Variants in CCSER1 observed in about 807,000 individuals in gnomAD.
CCSER1 encodes serine-rich coiled-coil domain-containing protein 1.
A neutral mutation model predicts 82.0 loss-of-function variants in CCSER1; 41 were observed. That is an observed-to-expected ratio of 0.50 (90% CI 0.39 to 0.65). The LOEUF is 0.65. Ranked by LOEUF, CCSER1 falls within the 30% of genes least tolerant of loss-of-function variation. The pLI is 0.00. For missense variants in CCSER1, 1,119 were observed against 1,064.2 expected (o/e 1.05, Z -0.72); for synonymous variants, 414 against 383.9 (o/e 1.08, Z -0.92).
intron 7 of CCSER1, among the ~76,000 whole-genome samples, chr4:90,737,447 C>G (rs1745845414): frequency 6.6e-6 from 1 of 152,092 alleles, no homozygotes; most frequent in South Asian, 2.1e-4. Context: ...CCATTATTTC[C>G]TGGCCTGTAA....
chr4:90,142,973 A>G (rs977420966), intron 1 of CCSER1, among the ~76,000 whole-genome samples: 1 of 152,186 alleles, frequency 6.6e-6, no homozygotes, highest in Non-Finnish European at 1.5e-5. Context: ...GAGTTCGGCA[A>G]ATTTACATGA....
intron 3 of CCSER1, among the ~76,000 whole-genome samples, chr4:90,373,155 A>G (rs1747731168): frequency 6.6e-6 from 1 of 152,066 alleles, no homozygotes; most frequent in Non-Finnish European, 1.5e-5. Flanking sequence ...TTACAGATGT[A>G]TAGGGAGTGT....
At chr4:90,811,995 C>CACACACACACATATATATATATATATAT (rs367800484) in intron 7 of CCSER1, among the ~76,000 whole-genome samples, 69 of 142,756 alleles carry the variant, frequency 4.8e-4, no homozygotes, top group East Asian at 2.9e-3. Context: ...TATATAAACA[C>CACACACACACATATATATATATATATAT]ATATATATAT....
At chr4:90,868,247 G>A (rs13150042) in intron 8 of CCSER1, among the ~76,000 whole-genome samples, 10,599 of 151,980 alleles carry the variant, frequency 0.07, 482 homozygotes, top group Non-Finnish European at 0.1. Context: ...CAAATTATTA[G>A]TAACTATAGT....
chr4:90,849,132 T>C (rs1192682960), intron 8 of CCSER1, among the ~76,000 whole-genome samples: 4 of 152,174 alleles, frequency 2.6e-5, no homozygotes, highest in Non-Finnish European at 5.9e-5. Context: ...TGGAACTGGG[T>C]AACAGGCAGA....
intron 10 of CCSER1, among the ~76,000 whole-genome samples, chr4:91,312,792 C>T (rs1745575974): frequency 6.6e-6 from 1 of 151,880 alleles, no homozygotes; most frequent in Non-Finnish European, 1.5e-5. Context: ...TACCACTGTG[C>T]AATCTATGCA....
chr4:90,651,514 G>C (rs1365140447), intron 6 of CCSER1, among the ~76,000 whole-genome samples: 1 of 152,074 alleles, frequency 6.6e-6, no homozygotes, highest in African/African-American at 2.4e-5. Context: ...ACAGGGATGG[G>C]AACATCACAC....
chr4:90,458,387 TC>T lies in CCSER1; in HGVS notation c.1604-9846del, dbSNP rs540620767. On this transcript the variant is annotated intron_variant, in intron 4 of 10. Coordinates refer to ENST00000509176, the MANE Select transcript of CCSER1 (RefSeq NM_001145065.2). ...TTTTTTTTTTGAGATGGAATCTTGC[TC>T]TGTTGCCCAGGCTGGGGTACAGTGG... is the stretch of plus-strand genomic sequence containing the variant. Among the ~76,000 whole-genome samples the T allele has an allele frequency of 2.0e-5, 3 of 151,966 alleles. No individual in the cohort carries two copies. The South Asian group carries it at 6.2e-4, about 32-fold the overall frequency.
chr4:90,947,648 T>C (rs893185711), intron 9 of CCSER1, among the ~76,000 whole-genome samples: 1 of 152,176 alleles, frequency 6.6e-6, no homozygotes, highest in African/African-American at 2.4e-5. Flanking sequence ...AATCTAAGCA[T>C]TATTATACTT....
intron 8 of CCSER1, among the ~76,000 whole-genome samples, chr4:90,841,855 C>T (rs34846042): frequency 0.012 from 1,831 of 152,208 alleles, 19 homozygotes; most frequent in Non-Finnish European, 0.02. Flanking sequence ...AAGCCAAACT[C>T]CAAAGTAAAA....
intron 10 of CCSER1, among the ~76,000 whole-genome samples, chr4:91,553,031 C>T (rs1160869153): frequency 6.6e-6 from 1 of 151,496 alleles, no homozygotes; most frequent in Non-Finnish European, 1.5e-5. Flanking sequence ...ATATATAAGA[C>T]AGGCCTAGTA....
chr4:91,088,610 C>G (rs1355963813), intron 10 of CCSER1, among the ~76,000 whole-genome samples: 1 of 152,102 alleles, frequency 6.6e-6, no homozygotes, highest in Non-Finnish European at 1.5e-5. Context: ...TATGAAATAA[C>G]CCCATTTATA....
At chr4:90,342,924 TC>T (rs1049474731) in intron 3 of CCSER1, among the ~76,000 whole-genome samples, 31 of 151,980 alleles carry the variant, frequency 2.0e-4, no homozygotes, top group African/African-American at 7.2e-4. Flanking sequence ...ATTGCTCTTT[TC>T]TTATCAGTTG....
At chr4:90,254,301 G>A (rs1722881565) in intron 1 of CCSER1, among the ~76,000 whole-genome samples, 1 of 152,162 alleles carries the variant, frequency 6.6e-6, no homozygotes, top group South Asian at 2.1e-4. Flanking sequence ...CAGTGTTCCA[G>A]AGCTGGTGGT....
chr4:90,339,510 A>G (rs1741000272), intron 3 of CCSER1, among the ~76,000 whole-genome samples: 1 of 151,970 alleles, frequency 6.6e-6, no homozygotes, highest in South Asian at 2.1e-4. Flanking sequence ...TTCGCTCTCC[A>G]GTTATCTCCT....
intron 9 of CCSER1, among the ~76,000 whole-genome samples, chr4:91,002,585 T>C (rs1168156487): frequency 6.6e-6 from 1 of 152,208 alleles, no homozygotes; most frequent in African/African-American, 2.4e-5. Context: ...GCATCCATTC[T>C]TTCCTGAAGT....
intron 10 of CCSER1, among the ~76,000 whole-genome samples, chr4:91,584,495 T>C (rs966578576): frequency 5.9e-5 from 9 of 151,466 alleles, no homozygotes; most frequent in African/African-American, 1.9e-4. Flanking sequence ...CACTTTTATA[T>C]CAATAGACTT....
At chr4:90,319,224 A>C (rs1222198945) in intron 3 of CCSER1, among the ~76,000 whole-genome samples, 1 of 152,202 alleles carries the variant, frequency 6.6e-6, no homozygotes, top group Non-Finnish European at 1.5e-5. Flanking sequence ...TCTCATGATT[A>C]ATATTAAAAC....
intron 10 of CCSER1, among the ~76,000 whole-genome samples, chr4:91,254,687 T>A (rs1202361302): frequency 6.6e-6 from 1 of 152,156 alleles, no homozygotes; most frequent in African/African-American, 2.4e-5. Flanking sequence ...GTGGTAAAGA[T>A]GCTAAATTTT....
Sources: gnomAD v4.1 joint callset for allele counts (sites outside exome capture counted in the v4.1 genomes callset) on GRCh38, gnomAD v4.1.1 for gene constraint, MANE v1.5 for transcripts, NCBI Gene and HGNC (gene_info 2026-07-23, HGNC 2026-07-21) for gene names.